Variants in ARHGAP28 observed in about 807,000 individuals in gnomAD.
ARHGAP28 encodes Rho GTPase activating protein 28.
ARHGAP28 carries 56 observed loss-of-function variants against 90.7 expected under a neutral mutation model. That is an observed-to-expected ratio of 0.62 (90% confidence interval 0.50 to 0.77). The LOEUF (loss-of-function observed/expected upper bound fraction) is 0.77. Ranked by LOEUF, ARHGAP28 falls within the 30% of genes least tolerant of loss-of-function variation. The pLI, the probability that ARHGAP28 is intolerant of heterozygous loss-of-function variation, is 0.00. For synonymous variants in ARHGAP28, 308 were observed against 323.3 expected (o/e 0.95, Z 0.51); for missense variants, 869 against 900.9 (o/e 0.96, Z 0.45).
chr18:6,735,640 G>A (rs1344408965), intron 1 of ARHGAP28, among the ~76,000 whole-genome samples: 3 of 149,468 alleles, frequency 2.0e-5, no homozygotes, highest in African/African-American at 7.4e-5. Flanking sequence ...CTGTAGCCTC[G>A]ACCTCCTGGA....
At chr18:6,882,984 A>T (rs1363022715) in intron 11 of ARHGAP28, among the ~76,000 whole-genome samples, 1 of 152,194 alleles carries the variant, frequency 6.6e-6, no homozygotes, top group African/African-American at 2.4e-5. Flanking sequence ...TTGGAAAAGT[A>T]GAATGGGGGT....
chr18:6,833,598 C>G (rs1236514258), intron 2 of ARHGAP28, among the ~76,000 whole-genome samples: 1 of 152,114 alleles, frequency 6.6e-6, no homozygotes, highest in African/African-American at 2.4e-5. Context: ...ATGACTTAGA[C>G]TCAGGTTATA....
chr18:6,887,025 G>T, intron 11 of ARHGAP28, 132 bp from the exon 12 acceptor site: 2 of 728,908 alleles, frequency 2.7e-6, no homozygotes, highest in Non-Finnish European at 4.8e-6. Context: ...TTACATTGCT[G>T]GGCACAAAAC....
At chr18:6,905,008 C>G (rs146559662) in intron 16 of ARHGAP28, among the ~76,000 whole-genome samples, 12 of 152,084 alleles carry the variant, frequency 7.9e-5, no homozygotes, top group African/African-American at 2.7e-4. Flanking sequence ...TAACACTAAT[C>G]TAGAACAGTC....
At chr18:6,885,047 T>C (rs1457255249) in intron 11 of ARHGAP28, among the ~76,000 whole-genome samples, 3 of 152,212 alleles carry the variant, frequency 2.0e-5, no homozygotes, top group East Asian at 3.9e-4. Flanking sequence ...CTGTGTGACG[T>C]TGTAATTTTC....
chr18:6,784,989 C>G (rs1296187166), intron 1 of ARHGAP28, among the ~76,000 whole-genome samples: 1 of 152,104 alleles, frequency 6.6e-6, no homozygotes, highest in Non-Finnish European at 1.5e-5. Context: ...CAACCAGGGT[C>G]TGAGGAAATT....
intron 1 of ARHGAP28, among the ~76,000 whole-genome samples, chr18:6,740,046 G>GT (rs1300632965): frequency 1.3e-5 from 2 of 151,914 alleles, no homozygotes; most frequent in East Asian, 1.9e-4. Context: ...TGGAGACGGG[G>GT]TTTCTCCATG....
In ARHGAP28 at chr18:6,782,339, C is replaced by T. The variant is rs531701075; in HGVS notation, c.123-42423C>T. 4.1e-4 allele frequency among the ~76,000 whole-genome samples: 62 copies of T among 152,036 alleles called. 1 individual carries two copies. Among genetic ancestry groups the T allele is most frequent in the African/African-American group, 1.1e-3 (47 of 41,466 alleles). ...CTTTTAATGTTATTCCTAACAGCCT[C>T]GATTAGAGTATTAATGAGGAATCCC... On this transcript the variant is annotated intron_variant, in intron 1 of 17. Transcript: ENST00000383472.
chr18:6,872,027 C>A (rs768680165), intron 7 of ARHGAP28, among the ~76,000 whole-genome samples: 3 of 152,184 alleles, frequency 2.0e-5, no homozygotes, highest in Non-Finnish European at 4.4e-5. Flanking sequence ...CTTCAAAACC[C>A]TTCCTGGTCC....
chr18:6,862,421 A>G (rs2057005801), intron 5 of ARHGAP28, among the ~76,000 whole-genome samples: 1 of 152,198 alleles, frequency 6.6e-6, no homozygotes, highest in South Asian at 2.1e-4. Flanking sequence ...AAAATGGTAA[A>G]AGAAGGTAAC....
intron 2 of ARHGAP28, among the ~76,000 whole-genome samples, chr18:6,827,424 C>CCA: frequency 7.2e-6 from 1 of 139,414 alleles, no homozygotes; most frequent in African/African-American, 2.7e-5. Context: ...GTTGACCCCC[C>CCA]CACCTCCCTC....
chr18:6,743,092 A>G (rs369742403), intron 1 of ARHGAP28, among the ~76,000 whole-genome samples: 5 of 152,300 alleles, frequency 3.3e-5, no homozygotes, highest in African/African-American at 1.2e-4. Flanking sequence ...GATTCCTTCT[A>G]AAAGCTTAGC....
At chr18:6,826,383 T>A (rs551382984) in intron 2 of ARHGAP28, among the ~76,000 whole-genome samples, 82 of 152,244 alleles carry the variant, frequency 5.4e-4, no homozygotes, top group Non-Finnish European at 1.1e-3. Flanking sequence ...ATTAGACCTC[T>A]GTCAGATGCA....
At chr18:6,789,112 G>A (rs2056387645) in intron 1 of ARHGAP28, 1 of 152,198 alleles carries the variant, frequency 6.6e-6, no homozygotes. Context: ...TACCAGTGAA[G>A]GTAGCAAGGT....
chr18:6,852,079 C>T (rs2056915136), intron 4 of ARHGAP28, among the ~76,000 whole-genome samples: 1 of 152,124 alleles, frequency 6.6e-6, no homozygotes, highest in African/African-American at 2.4e-5. Flanking sequence ...CTCAATAATC[C>T]TGTTTTTAAA....
chr18:6,814,122 G>A (rs1329495849), intron 1 of ARHGAP28, among the ~76,000 whole-genome samples: 2 of 152,146 alleles, frequency 1.3e-5, no homozygotes, highest in African/African-American at 2.4e-5. Flanking sequence ...GAAGAATAAG[G>A]AAGGTTGATA....
rs1365065322 is a variant in ARHGAP28, at chr18:6,824,976, G to T, written c.325+12G>T. ...CACACCTGTGGATGGTAAGTTGCTG[G>T]ATTTGTCTTCCTATGTGCTGACTGG... is the stretch of plus-strand genomic sequence containing the variant. On this transcript the variant is annotated intron_variant, in intron 2 of 17. Transcript: ENST00000383472. 6.6e-7 allele frequency: 1 copy of T among 1,525,612 alleles called. No homozygotes were observed. Among genetic ancestry groups the T allele is most frequent in the African/African-American group, 1.4e-5 (1 of 72,748 alleles). 94.5% of individuals were successfully genotyped at this position (1,525,612 alleles called of 1,614,324 possible).
intron 1 of ARHGAP28, among the ~76,000 whole-genome samples, chr18:6,824,486 G>A (rs905574030): frequency 5.3e-5 from 8 of 152,026 alleles, no homozygotes; most frequent in African/African-American, 1.9e-4. Context: ...GCAGTGAGCC[G>A]AGATCGCGCC....
chr18:6,865,193 A>C (rs979092212), intron 5 of ARHGAP28, among the ~76,000 whole-genome samples: 1 of 152,192 alleles, frequency 6.6e-6, no homozygotes, highest in Non-Finnish European at 1.5e-5. Context: ...GAATCTCTGA[A>C]TAAAACTTTG....
Sources: allele counts gnomAD v4.1 joint callset (sites outside exome capture counted in the v4.1 genomes callset), GRCh38; gene constraint gnomAD v4.1.1; transcripts MANE v1.5; gene names NCBI Gene and HGNC (gene_info 2026-07-23, HGNC 2026-07-21).